Variants in HMG20B observed in about 807,000 individuals in gnomAD.
The protein encoded by HMG20B is high mobility group 20B, also known as SWI/SNF-related matrix-associated actin-dependent regulator of chromatin subfamily E member 1-related.
Under a neutral mutation model 41.6 loss-of-function variants are expected in HMG20B, and 24 were observed. The observed-to-expected ratio is 0.58, with a 90% CI of 0.42 to 0.81. The LOEUF is 0.81. HMG20B is among the 30% of genes least tolerant of loss of function. The probability of loss-of-function intolerance (pLI) is 0.00; values close to 1 mark genes in which losing one functional copy is unlikely to be tolerated. For missense variants in HMG20B, 461 were observed against 444.0 expected, an observed-to-expected ratio of 1.04 and a Z score of -0.34; for synonymous variants, 251 against 186.6, an observed-to-expected ratio of 1.34 and a Z score of -2.81.
intron 3 of HMG20B, chr19:3,574,078 C>T: frequency 1.6e-6 from 1 of 640,500 alleles, no homozygotes; most frequent in South Asian, 1.7e-5. Context: ...TCCTGTGGGC[C>T]CGTTCTCCAG....
intron 2 of HMG20B, 107 bp downstream of exon 2, chr19:3,573,454 C>T (rs1166947591): frequency 1.2e-5 from 15 of 1,233,562 alleles, no homozygotes; most frequent in Non-Finnish European, 1.3e-5. Context: ...ACTCCCCCAC[C>T]TGGGTCAGGG....
At chr19:3,573,889 G>A in intron 3 of HMG20B, 89 bp downstream of exon 3, 1 of 1,223,596 alleles carries the variant, frequency 8.2e-7, no homozygotes, top group South Asian at 1.3e-5. Context: ...AATTGCTTGT[G>A]GCTCCGCCCA....
At position 3,577,955 on chromosome 19, in the gene HMG20B, G is replaced by C. The variant is rs757798051; in HGVS notation, c.809-26G>C. 23 of 1,559,124 alleles carry C rather than the reference G, an allele frequency of 1.5e-5. No homozygotes were observed. The African/African-American group carries it at 3.0e-4, about 20-fold the overall frequency. ...CGCCCCGCGACTCCCCGGCACCCTC[G>C]CCTGACCTTCCCGCCTGTCCCCCAG... On this transcript the variant is annotated intron_variant, in intron 8 of 9. Coordinates refer to ENST00000333651, the MANE Select transcript of HMG20B (RefSeq NM_006339.3).
chr19:3,577,299 C>CA lies in HMG20B; in HGVS notation c.808+193dup, dbSNP rs1021510458. 6.5e-4 allele frequency among the ~76,000 whole-genome samples: 96 copies of CA among 147,354 alleles called. 1 individual carries two copies. In the South Asian group the frequency reaches 0.021, roughly 32 times the overall value. ...AGCTCCGCCTCCTCCCCGACCCCCG[C>CA]ACCCCTACCCCATAGCTCCGTCTGG... is the stretch of plus-strand genomic sequence containing the variant. On this transcript the variant is annotated intron_variant, in intron 8 of 9. Transcript: ENST00000333651.
intron 8 of HMG20B, among the ~76,000 whole-genome samples, 188 bp downstream of exon 8, chr19:3,577,295 C>T (rs1385247842): frequency 1.8e-4 from 26 of 147,614 alleles, no homozygotes; most frequent in Non-Finnish European, 3.8e-4. Flanking sequence ...CTCCCCGACC[C>T]CCGCACCCCT....
At chr19:3,576,456 G>A (rs2032164420) in intron 6 of HMG20B, 97 bp from the exon 7 acceptor site, 1 of 1,353,628 alleles carries the variant, frequency 7.4e-7, no homozygotes, top group Middle Eastern at 1.8e-4. Context: ...TACTCCCACC[G>A]GGGTGTCCCA....
chr19:3,578,679 C>T lies in HMG20B; in HGVS notation c.*158C>T, dbSNP rs1220777117. The stretch of plus-strand genomic sequence containing the variant: ...CCTAAAATTAAATTTCTGCAGCATC[C>T]CTTTAGCTTTCAATCTCCCCAGCCC... On this transcript the variant is annotated 3_prime_UTR_variant, in exon 10 of 10. Coordinates refer to ENST00000333651, the MANE Select transcript of HMG20B (RefSeq NM_006339.3). The T allele has an allele frequency of 2.1e-6, 2 of 970,174 alleles. No homozygotes were observed. The highest frequency in any genetic ancestry group is 1.4e-5 in the South Asian group (1 of 72,178). 60.1% of individuals were successfully genotyped at this position (970,174 alleles called of 1,614,324 possible).
Position 3,578,087 on chromosome 19 carries a change from C to T in HMG20B, c.915C>T (p.Ile305=). ...AGCACGAGAAGCTCATCGTCCGCAT[C>T]AAGGAAATCCTGGCCCAGGTCGCCA... ...PAQHEKLIVR[I]KEILAQVASE... is the part of the protein sequence containing the mutation. Residue 305 remains isoleucine, a synonymous_variant, in exon 9 of 10, where the codon ATC becomes ATT. Coordinates refer to ENST00000333651, the MANE Select transcript of HMG20B (RefSeq NM_006339.3). 2 of 1,611,470 alleles carry T rather than the reference C, an allele frequency of 1.2e-6. No homozygotes were observed. Among genetic ancestry groups the T allele is most frequent in the Non-Finnish European group, 1.7e-6 (2 of 1,179,442 alleles).
At position 3,578,545 on chromosome 19, in the gene HMG20B, G is replaced by C. The variant is rs533079599; in HGVS notation, c.*24G>C. 1 of 1,568,692 alleles carries C rather than the reference G, an allele frequency of 6.4e-7. No individual in the cohort carries two copies. Among genetic ancestry groups the C allele is most frequent in the African/African-American group, 1.4e-5 (1 of 73,888 alleles). ...GAGGAGTGGGCGGGCCCACGATGCA[G>C]AGGAGAAGCTGTGGGCGCGGCCCTG... On this transcript the variant is annotated 3_prime_UTR_variant, in exon 10 of 10. Transcript: ENST00000333651.
intron 4 of HMG20B, 171 bp from the exon 5 acceptor site, chr19:3,575,369 C>A: frequency 8.8e-7 from 1 of 1,142,388 alleles, no homozygotes; most frequent in Non-Finnish European, 1.2e-6. Context: ...GAGGTGGGAG[C>A]TCGGAGGTCC....
rs368559987 is a variant in HMG20B at position 3,576,883 on chromosome 19, C to G, written c.593-9C>G. 40 of 1,562,478 alleles carry G rather than the reference C, an allele frequency of 2.6e-5. No homozygotes were observed. The highest frequency in any genetic ancestry group is 3.8e-5 in the Admixed American group (2 of 52,394). Reference sequence around the variant, plus strand: ...GGCGCAGGCTTTGACCCCGCTCCCCCCGGCGCAGCGCGTGAGGCGGAGCTT... The same window carrying G: ...GGCGCAGGCTTTGACCCCGCTCCCCGCGGCGCAGCGCGTGAGGCGGAGCTT... On this transcript the variant is annotated splice_polypyrimidine_tract_variant and intron_variant, in intron 7 of 9. Transcript: ENST00000333651.
At chr19:3,575,471 G>C (rs1390523681) in intron 4 of HMG20B, 69 bp from the exon 5 acceptor site, 18 of 1,546,616 alleles carry the variant, frequency 1.2e-5, no homozygotes, top group Non-Finnish European at 1.6e-5. Context: ...TGTGAAAGCA[G>C]AGTGATAAAG....
rs747312807 is a variant in HMG20B, at chr19:3,574,351, C to T, written c.148-32C>T. 39 of 1,552,196 alleles carry T rather than the reference C, an allele frequency of 2.5e-5. No individual in the cohort carries two copies. The African/African-American group carries it at 4.1e-4, about 16-fold the overall frequency. ...TGAGCCCTGCCCCAGTACGCCAGGC[C>T]CCCCTCCCAACGACGCAGCCCGGTT... is the stretch of plus-strand genomic sequence containing the variant. On this transcript the variant is annotated intron_variant, in intron 3 of 9. Transcript: ENST00000333651.
intron 4 of HMG20B, 59 bp downstream of exon 4, chr19:3,574,645 C>A (rs1599854411): frequency 1.4e-6 from 2 of 1,440,516 alleles, no homozygotes; most frequent in Non-Finnish European, 1.9e-6. Flanking sequence ...CCCCCAGTAG[C>A]CCCGACCCCC....
chr19:3,576,223 C>T (rs754445812), intron 5 of HMG20B, 38 bp from the exon 6 acceptor site: 2 of 1,605,064 alleles, frequency 1.2e-6, no homozygotes, highest in Non-Finnish European at 1.7e-6. Flanking sequence ...TCCCTGGAGG[C>T]CTGGGAGGCT....
At chr19:3,576,837 C>T (rs2032171231) in intron 7 of HMG20B, 55 bp from the exon 8 acceptor site, 3 of 1,536,712 alleles carry the variant, frequency 2.0e-6, no homozygotes, top group South Asian at 1.2e-5. Context: ...GGGCAAAAGC[C>T]CGGAGGTAGG....
chr19:3,573,614 G>A, intron 2 of HMG20B, 78 bp from the exon 3 acceptor site: 1 of 1,319,334 alleles, frequency 7.6e-7, no homozygotes, highest in Non-Finnish European at 1.0e-6. Flanking sequence ...GCCGTCGGGG[G>A]TCAAAACGCC....
intron 8 of HMG20B, 146 bp downstream of exon 8, chr19:3,577,253 C>T (rs1476352805): frequency 3.3e-6 from 2 of 612,260 alleles, no homozygotes; most frequent in Non-Finnish European, 5.5e-6. Flanking sequence ...CCCCGCCTAT[C>T]GCCCCGCCCT....
chr19:3,578,884 G>A lies in HMG20B; in HGVS notation c.*363G>A, dbSNP rs572058924. The A allele has an allele frequency of 1.3e-4, 67 of 532,014 alleles. No homozygotes were observed. Among genetic ancestry groups the A allele is most frequent in the African/African-American group, 1.2e-3 (63 of 52,944 alleles). 33.0% of individuals were successfully genotyped at this position (532,014 alleles called of 1,614,324 possible). A position where few individuals can be genotyped will look rare whatever the true frequency, so the allele number is the denominator to read the frequency against. ...GACCCCCCAAATTACTCACTACGGGGGGCTGTGCCATAGGCCACACAGGAA... is the reference window on the plus strand; with the variant it reads ...GACCCCCCAAATTACTCACTACGGGAGGCTGTGCCATAGGCCACACAGGAA... On this transcript the variant is annotated 3_prime_UTR_variant, in exon 10 of 10. Coordinates refer to ENST00000333651, the MANE Select transcript of HMG20B (RefSeq NM_006339.3).
Sources: allele counts gnomAD v4.1 joint callset (sites outside exome capture counted in the v4.1 genomes callset), GRCh38; gene constraint gnomAD v4.1.1; transcripts MANE v1.5; gene names NCBI Gene and HGNC (gene_info 2026-07-23, HGNC 2026-07-21).